Variants in POLN observed in about 807,000 individuals in gnomAD.
POLN encodes the protein DNA polymerase nu.
In POLN, 108 loss-of-function variants were observed where a neutral mutation model predicts 113.5. The ratio of observed to expected loss-of-function variants is 0.95; its 90% CI spans 0.81 to 1.12. POLN has a LOEUF of 1.12. Among genes scored for constraint, POLN ranks in the 50% most tolerant of loss-of-function variants. The probability of loss-of-function intolerance (pLI) is 0.00; values close to 1 mark genes in which losing one functional copy is unlikely to be tolerated. For synonymous variants in POLN, 386 were observed against 391.5 expected, an observed-to-expected ratio of 0.99 and a Z score of 0.17; for missense variants, 1,097 against 1,077.1, an observed-to-expected ratio of 1.02 and a Z score of -0.26.
intron 16 of POLN, among the ~76,000 whole-genome samples, chr4:2,152,547 T>C (rs1257659228): frequency 6.6e-6 from 1 of 151,484 alleles, no homozygotes; most frequent in African/African-American, 2.4e-5. Flanking sequence ...CCCAGGCTAA[T>C]AATCTGATTT....
chr4:2,157,637 T>A (rs1264001592), intron 15 of POLN, among the ~76,000 whole-genome samples: 2 of 148,976 alleles, frequency 1.3e-5, no homozygotes, highest in Non-Finnish European at 3.0e-5. Context: ...GCATGAGAAT[T>A]GCTTGGAGCC....
chr4:2,178,999 G>C (rs1370910432), intron 8 of POLN, among the ~76,000 whole-genome samples: 1 of 152,134 alleles, frequency 6.6e-6, no homozygotes. Context: ...CACGTCACCA[G>C]CCCTAAGGAT....
chr4:2,096,686 A>AAGAGAGAGAGAGAGAGAGAGAGAG (rs750844060), intron 19 of POLN, among the ~76,000 whole-genome samples: 16 of 130,006 alleles, frequency 1.2e-4, no homozygotes, highest in African/African-American at 4.4e-4. Flanking sequence ...AGCCGAGAGA[A>AAGAGAGAGAGAGAGAGAGAGAGAG]AGAGAGAGAG....
chr4:2,222,396 CA>C (rs1223700639), intron 3 of POLN, among the ~76,000 whole-genome samples: 8 of 147,828 alleles, frequency 5.4e-5, no homozygotes, highest in Admixed American at 2.0e-4. Context: ...AACAAACAAA[CA>C]AAAAAAAAAC....
At chr4:2,110,042 T>C (rs1731154348) in intron 19 of POLN, among the ~76,000 whole-genome samples, 2 of 152,180 alleles carry the variant, frequency 1.3e-5, no homozygotes, top group Non-Finnish European at 2.9e-5. Context: ...AAACTGTCTC[T>C]CAGACCACAG....
chr4:2,180,579 G>T (rs1733114158), intron 7 of POLN, among the ~76,000 whole-genome samples: 1 of 152,124 alleles, frequency 6.6e-6, no homozygotes, highest in East Asian at 1.9e-4. Context: ...TTGGAGCTCT[G>T]GATAAGAGGA....
intron 16 of POLN, among the ~76,000 whole-genome samples, chr4:2,133,381 C>G (rs1467380725): frequency 6.6e-6 from 1 of 152,176 alleles, no homozygotes; most frequent in African/African-American, 2.4e-5. Context: ...TTTACTGCAG[C>G]CCCGTTCACA....
At chr4:2,073,654 C>T (rs1182047622) in intron 24 of POLN, among the ~76,000 whole-genome samples, 1 of 152,238 alleles carries the variant, frequency 6.6e-6, no homozygotes, top group Non-Finnish European at 1.5e-5. Flanking sequence ...CAAGCTCAGG[C>T]TTTCTCAGGG....
At position 2,127,254 on chromosome 4, in the gene POLN, G is replaced by A. The variant is rs1365161565; in HGVS notation, c.1982+859C>T. 3.3e-5 allele frequency among the ~76,000 whole-genome samples: 5 copies of A among 151,964 alleles called. No homozygotes were observed. The highest frequency in any genetic ancestry group is 9.7e-5 in the African/African-American group (4 of 41,342). ...GGAGGGGACAGTGACTCAGACACAC[G>A]GACCTTCCAACAGCCAGCACACACT... On this transcript the variant is annotated intron_variant, in intron 19 of 25. Coordinates refer to ENST00000511885, the MANE Select transcript of POLN (RefSeq NM_181808.4). The surrounding 1 kb of genome is among the most constrained non-coding windows in gnomAD (Gnocchi z 4.7).
intron 12 of POLN, 72 bp from the exon 13 acceptor site, chr4:2,170,846 G>T: frequency 1.5e-6 from 2 of 1,353,348 alleles, no homozygotes; most frequent in Non-Finnish European, 2.1e-6. Flanking sequence ...CTATAGCAGA[G>T]CCCATGCCAA....
intron 20 of POLN, among the ~76,000 whole-genome samples, chr4:2,094,813 G>C (rs1157584422): frequency 6.6e-6 from 1 of 152,208 alleles, no homozygotes; most frequent in African/African-American, 2.4e-5. Flanking sequence ...TCTCAATGGA[G>C]ACTGTAGGGC....
intron 19 of POLN, among the ~76,000 whole-genome samples, chr4:2,120,863 T>C (rs1284773093): frequency 6.6e-6 from 1 of 152,228 alleles, no homozygotes; most frequent in African/African-American, 2.4e-5. Context: ...TGTCAATTTA[T>C]ATAAATGTGA....
chr4:2,117,876 T>TG (rs1731354725), intron 19 of POLN, among the ~76,000 whole-genome samples: 1 of 152,228 alleles, frequency 6.6e-6, no homozygotes, highest in African/African-American at 2.4e-5. Context: ...TTGCTTTCCT[T>TG]GGGGAATGAG....
At chr4:2,177,753 C>T (rs1030444763) in intron 8 of POLN, among the ~76,000 whole-genome samples, 3 of 152,226 alleles carry the variant, frequency 2.0e-5, no homozygotes, top group South Asian at 2.1e-4. Flanking sequence ...CCCTGCCTGA[C>T]GGCATGAAGT....
chr4:2,228,044 TA>T (rs763696705), intron 3 of POLN: 30 of 152,592 alleles, frequency 2.0e-4, no homozygotes, highest in African/African-American at 7.0e-4. Flanking sequence ...ATCAAAACGT[TA>T]AGTGCAAATG....
chr4:2,115,502 T>G (rs2108714892), intron 19 of POLN, among the ~76,000 whole-genome samples: 1 of 152,340 alleles, frequency 6.6e-6, no homozygotes, highest in East Asian at 1.9e-4. Flanking sequence ...ATTTTAATCA[T>G]AATTTTTAAA....
chr4:2,117,827 T>A (rs760731302), intron 19 of POLN, among the ~76,000 whole-genome samples: 3 of 152,196 alleles, frequency 2.0e-5, no homozygotes, highest in Non-Finnish European at 4.4e-5. Context: ...TCCTTTTCCA[T>A]TACCTTTCTT....
chr4:2,206,389 T>C (rs1733842282), intron 5 of POLN, among the ~76,000 whole-genome samples: 1 of 152,138 alleles, frequency 6.6e-6, no homozygotes, highest in Admixed American at 6.5e-5. Flanking sequence ...AAAACAAAGA[T>C]AAATAGCTGG....
intron 2 of POLN, chr4:2,238,979 T>C (rs763632403): frequency 6.3e-7 from 1 of 1,585,250 alleles, no homozygotes; most frequent in Non-Finnish European, 8.5e-7. Flanking sequence ...GACCTCTTTT[T>C]CAAGTTTCAT....
Sources: allele counts gnomAD v4.1 joint callset (sites outside exome capture counted in the v4.1 genomes callset), GRCh38; gene constraint gnomAD v4.1.1; non-coding constraint Gnocchi (gnomAD v3.1); transcripts MANE v1.5; gene names NCBI Gene and HGNC (gene_info 2026-07-23, HGNC 2026-07-21).